TRIM54: variants seen among roughly 807,000 people sequenced by gnomAD.
TRIM54 encodes the protein tripartite motif-containing protein 54.
Under a neutral mutation model 42.0 loss-of-function variants are expected in TRIM54, and 40 were observed. The ratio of observed to expected loss-of-function variants is 0.95; its 90% CI spans 0.74 to 1.24. The LOEUF (loss-of-function observed/expected upper bound fraction) is 1.24, where lower values mean the gene tolerates loss of function less well. Among genes scored for constraint, TRIM54 ranks in the 50% most tolerant of loss-of-function variants. The probability of loss-of-function intolerance (pLI) is 0.00; values close to 1 mark genes in which losing one functional copy is unlikely to be tolerated. For missense variants in TRIM54, 485 were observed against 480.3 expected, an observed-to-expected ratio of 1.01 and a Z score of -0.09; for synonymous variants, 199 against 194.9, an observed-to-expected ratio of 1.02 and a Z score of -0.17.
In TRIM54 at chr2:27,298,709, T is replaced by C; in HGVS notation, c.311T>C (p.Ile104Thr). 6.2e-7 allele frequency: 1 copy of C among 1,613,946 alleles called. No homozygotes were observed. Reference protein sequence around the residue: ...GLQRNLLVENIIDIYKQESSR... With the variant: ...GLQRNLLVENTIDIYKQESSR... Reference sequence around the variant, plus strand: ...CAGCGAAACCTGCTAGTGGAGAACATTATCGACATTTACAAGCAGGAGTCA... The same window carrying C: ...CAGCGAAACCTGCTAGTGGAGAACACTATCGACATTTACAAGCAGGAGTCA... Residue 104 changes from isoleucine (I) to threonine (T), a missense_variant, in exon 2 of 9, where the codon ATT (isoleucine) becomes ACT (threonine). Transcript: ENST00000380075.
intron 1 of TRIM54, among the ~76,000 whole-genome samples, chr2:27,296,771 T>G (rs1678879456): frequency 6.6e-6 from 1 of 152,114 alleles, no homozygotes; most frequent in Non-Finnish European, 1.5e-5. Flanking sequence ...TTTGGTTTGT[T>G]TTTTTGAGAT....
chr2:27,292,512 C>CAG (rs1375351435), intron 1 of TRIM54, among the ~76,000 whole-genome samples: 1 of 152,198 alleles, frequency 6.6e-6, no homozygotes, highest in African/African-American at 2.4e-5. Flanking sequence ...GTTGAGACGA[C>CAG]AGAGAGAGAG....
At chr2:27,283,766 A>ACACACGCACGCGCGCGCGCGCGCT (rs1164806717) in intron 1 of TRIM54, among the ~76,000 whole-genome samples, 1 of 88,704 alleles carries the variant, frequency 1.1e-5, no homozygotes, top group African/African-American at 6.4e-5. Flanking sequence ...GGGCAAAGGC[A>ACACACGCACGCGCGCGCGCGCGCT]CACACACACA....
chr2:27,290,026 C>T (rs1678676323), intron 1 of TRIM54, among the ~76,000 whole-genome samples: 1 of 151,658 alleles, frequency 6.6e-6, no homozygotes, highest in Admixed American at 6.6e-5. Context: ...TGCAAGCTAC[C>T]ATGCCTGGCT....
chr2:27,285,678 T>G (rs1243506038), intron 1 of TRIM54, among the ~76,000 whole-genome samples: 1 of 152,220 alleles, frequency 6.6e-6, no homozygotes, highest in Non-Finnish European at 1.5e-5. Context: ...TTTGTTCACT[T>G]ACTCGCTGTG....
Position 27,282,596 on chromosome 2 carries a change from G to C in TRIM54, c.-136G>C, listed in dbSNP as rs1157195749. On this transcript the variant is annotated 5_prime_UTR_variant, in exon 1 of 9. Coordinates refer to ENST00000380075, the MANE Select transcript of TRIM54 (RefSeq NM_187841.3). ...TCTGGGACGAGACAAGTTGTTAAAG[G>C]GACAGGAGAGAAAGCAGAGCTATTT... is the stretch of plus-strand genomic sequence containing the variant. 2 of 943,784 alleles carry C rather than the reference G, an allele frequency of 2.1e-6. No homozygotes were observed. Among genetic ancestry groups the C allele is most frequent in the Admixed American group, 5.2e-5 (2 of 38,682 alleles). 58.5% of individuals were successfully genotyped at this position (943,784 alleles called of 1,614,324 possible).
In TRIM54 at chr2:27,306,571, G is replaced by T. The variant is rs902462410; in HGVS notation, c.*1+29G>T. On this transcript the variant is annotated intron_variant, in intron 8 of 8. Transcript: ENST00000380075. This position sits in a 1 kb window ranked among gnomAD's most constrained non-coding sequence, Gnocchi z 6.1. Reference sequence around the variant, plus strand: ...AGAGCCGCCCGATGGGCCTTAAGGTGAGAGCGGCCTGAGGGGCTTGGGGTG... The same window carrying T: ...AGAGCCGCCCGATGGGCCTTAAGGTTAGAGCGGCCTGAGGGGCTTGGGGTG... The T allele has an allele frequency of 4.0e-6, 6 of 1,513,340 alleles. No individual in the cohort carries two copies. In the African/African-American group the frequency reaches 8.3e-5, roughly 21 times the overall value. The allele number at this position is 1,513,340 out of a possible 1,614,324, so 93.7% of individuals were successfully genotyped here. A position where few individuals can be genotyped will look rare whatever the true frequency, so the allele number is the denominator to read the frequency against.
intron 4 of TRIM54, 125 bp from the exon 5 acceptor site, chr2:27,305,459 C>A: frequency 1.3e-6 from 1 of 743,780 alleles, no homozygotes; most frequent in Non-Finnish European, 2.2e-6. Context: ...TCTGGCTCAG[C>A]CACTAACTCA....
At chr2:27,284,584 G>T (rs1467698435) in intron 1 of TRIM54, among the ~76,000 whole-genome samples, 1 of 151,820 alleles carries the variant, frequency 6.6e-6, no homozygotes, top group Non-Finnish European at 1.5e-5. Context: ...CCTCGTCCTG[G>T]GCATGAAGTC....
intron 1 of TRIM54, among the ~76,000 whole-genome samples, chr2:27,295,259 CAAT>C (rs1257293579): frequency 1.3e-5 from 2 of 151,904 alleles, no homozygotes; most frequent in African/African-American, 4.8e-5. Flanking sequence ...ATAAATACAA[CAAT>C]GTCTGGAAAA....
chr2:27,290,245 G>A (rs1216961196), intron 1 of TRIM54, among the ~76,000 whole-genome samples: 2 of 152,138 alleles, frequency 1.3e-5, no homozygotes, highest in African/African-American at 4.8e-5. Context: ...AATGAAGAAA[G>A]CTTTGGAAAC....
In TRIM54 at chr2:27,306,386, T is replaced by TG. The variant is rs1456415939; in HGVS notation, c.991+55dup. 4.3e-6 allele frequency: 7 copies of TG among 1,613,380 alleles called. No homozygotes were observed. In the African/African-American group the frequency reaches 5.3e-5, roughly 12 times the overall value. ...CTGAGACGGGTTCGGACCCTCTGTGTGGGGGGTGCGGCGGGCACGATGGCC... is the reference window on the plus strand; with the variant it reads ...CTGAGACGGGTTCGGACCCTCTGTGTGGGGGGGTGCGGCGGGCACGATGGCC... On this transcript the variant is annotated intron_variant, in intron 7 of 8. Coordinates refer to ENST00000380075, the MANE Select transcript of TRIM54 (RefSeq NM_187841.3). This position sits in a 1 kb window ranked among gnomAD's most constrained non-coding sequence, Gnocchi z 6.1.
chr2:27,301,293 C>T (rs1190109784), intron 3 of TRIM54, among the ~76,000 whole-genome samples: 2 of 152,132 alleles, frequency 1.3e-5, no homozygotes, highest in Admixed American at 6.5e-5. Context: ...GCATCCGCCA[C>T]CATGACTGGC....
chr2:27,285,543 G>A (rs1678533951), intron 1 of TRIM54, among the ~76,000 whole-genome samples: 1 of 152,154 alleles, frequency 6.6e-6, no homozygotes, highest in Non-Finnish European at 1.5e-5. Flanking sequence ...CAGACCCTCA[G>A]TTGTCTCACC....
chr2:27,295,873 G>A (rs868368061), intron 1 of TRIM54, among the ~76,000 whole-genome samples: 2 of 152,176 alleles, frequency 1.3e-5, no homozygotes, highest in African/African-American at 2.4e-5. Flanking sequence ...AAAAGTAATT[G>A]TATTAAGCAA....
intron 1 of TRIM54, among the ~76,000 whole-genome samples, chr2:27,289,410 G>A (rs896517634): frequency 1.3e-5 from 2 of 151,938 alleles, no homozygotes; most frequent in Admixed American, 6.6e-5. Flanking sequence ...TCTGCCTCCC[G>A]GGTTCAAGCA....
intron 1 of TRIM54, among the ~76,000 whole-genome samples, chr2:27,293,847 C>A (rs958042685): frequency 6.6e-6 from 1 of 152,028 alleles, no homozygotes; most frequent in African/African-American, 2.4e-5. Flanking sequence ...CATGGGGAAA[C>A]CCCATCTCTA....
Position 27,306,660 on chromosome 2 carries a change from G to A in TRIM54, c.*1+118G>A. 9.0e-7 allele frequency: 1 copy of A among 1,113,528 alleles called. No individual in the cohort carries two copies. The highest frequency in any genetic ancestry group is 1.3e-6 in the Non-Finnish European group (1 of 794,650). The allele number at this position is 1,113,528 out of a possible 1,614,324, so 69.0% of individuals were successfully genotyped here. ...TTGCCCTCCCTGCGGGTAGCGTGGA[G>A]CCCCCACTCCTCGGTGCAACCCAAC... On this transcript the variant is annotated intron_variant, in intron 8 of 8. Coordinates refer to ENST00000380075, the MANE Select transcript of TRIM54 (RefSeq NM_187841.3). The surrounding 1 kb of genome is among the most constrained non-coding windows in gnomAD (Gnocchi z 6.1).
Position 27,305,684 on chromosome 2 carries a change from G to C in TRIM54, c.710G>C (p.Arg237Pro). ...RKGELLQALA[R>P]EQEEKLQRVR... The stretch of plus-strand genomic sequence containing the variant: ...GGTGAGCTGCTGCAGGCGCTGGCCC[G>C]GGAGCAAGAGGAGAAGCTGCAGCGC... Residue 237 changes from arginine to proline, a missense_variant, in exon 5 of 9, where the codon CGG becomes CCG. By Grantham distance (103) the Arg-to-Pro change is moderately radical (BLOSUM62 -2). Coordinates refer to ENST00000380075, the MANE Select transcript of TRIM54 (RefSeq NM_187841.3). The C allele has an allele frequency of 6.2e-7, 1 of 1,612,998 alleles. No homozygotes were observed. The highest frequency in any genetic ancestry group is 8.5e-7 in the Non-Finnish European group (1 of 1,179,682).
Sources: gnomAD v4.1 joint callset for allele counts (sites outside exome capture counted in the v4.1 genomes callset) on GRCh38, gnomAD v4.1.1 for gene constraint, Gnocchi (gnomAD v3.1) non-coding constraint, MANE v1.5 for transcripts, NCBI Gene and HGNC (gene_info 2026-07-23, HGNC 2026-07-21) for gene names.